Variants in CCNL2 observed in about 807,000 individuals in gnomAD.
CCNL2 encodes cyclin-L2.
In CCNL2, 28 loss-of-function variants were observed where a neutral mutation model predicts 59.1. That is an observed-to-expected ratio of 0.47 (90% confidence interval 0.35 to 0.65). The LOEUF (loss-of-function observed/expected upper bound fraction) is 0.65. Among genes scored for constraint, CCNL2 ranks in the 30% least tolerant of loss-of-function variants. The probability of loss-of-function intolerance (pLI) is 0.00; values close to 1 mark genes in which losing one functional copy is unlikely to be tolerated. For synonymous variants in CCNL2, 342 were observed against 288.6 expected (o/e 1.19, Z -1.88); for missense variants, 714 against 717.4 (o/e 1.00, Z 0.05).
chr1:1,387,979 C>T lies in CCNL2; in HGVS notation c.1093G>A (p.Ala365Thr), dbSNP rs1433105656. 1 of 1,614,016 alleles carries T rather than the reference C, an allele frequency of 6.2e-7. No homozygotes were observed. Among genetic ancestry groups the T allele is most frequent in the Admixed American group, 1.7e-5 (1 of 60,014 alleles). Reference sequence around the variant, plus strand: ...CCGTTCACGGGGCTGTCCGCCTTGGCTTTCTTGGCGCCCTCCAGCCTCCTC... The same window carrying T: ...CCGTTCACGGGGCTGTCCGCCTTGGTTTTCTTGGCGCCCTCCAGCCTCCTC... ...TKRRLEGAKKAKADSPVNGLP... is the reference protein window; with the variant it reads ...TKRRLEGAKKTKADSPVNGLP... The change falls in exon 9 of 11, where the codon GCC becomes ACC. Residue 365 changes from alanine (A) to threonine (T), a missense_variant. Physicochemically the swap from Ala to Thr is moderately conservative, Grantham distance 58. This residue lies in a region of CCNL2 where 403 missense variants were observed against 377.7 expected (regional missense o/e 1.07). Transcript: ENST00000400809.
chr1:1,393,605 G>A lies in CCNL2; in HGVS notation c.595-145C>T. ...CACACGTCTGGCGGACGGCTCAGCTGGAGGGAGCTTTGCGATTGCACCTGC... is the reference window on the plus strand; with the variant it reads ...CACACGTCTGGCGGACGGCTCAGCTAGAGGGAGCTTTGCGATTGCACCTGC... On this transcript the variant is annotated intron_variant, in intron 4 of 10. Transcript: ENST00000400809. The A allele has an allele frequency of 4.2e-6, 3 of 708,206 alleles. No individual in the cohort carries two copies. In the East Asian group the frequency reaches 7.7e-5, roughly 18 times the overall value. The allele number at this position is 708,206 out of a possible 1,614,324, so 43.9% of individuals were successfully genotyped here.
At chr1:1,391,747 C>G (rs368903110) in intron 5 of CCNL2, 2 of 364,124 alleles carry the variant, frequency 5.5e-6, no homozygotes, top group East Asian at 9.4e-5. Flanking sequence ...CATTTAAAAC[C>G]TGGCTACATT....
intron 1 of CCNL2, 173 bp downstream of exon 1, chr1:1,398,846 G>A (rs1353248109): frequency 7.5e-7 from 1 of 1,325,438 alleles, no homozygotes; most frequent in Non-Finnish European, 1.0e-6. Context: ...GGCGGGCGGG[G>A]AGGCCCCGGG....
Position 1,387,790 on chromosome 1 carries a change from A to T in CCNL2, c.1198T>A (p.Ser400Thr). 6.2e-7 allele frequency: 1 copy of T among 1,612,174 alleles called. No individual in the cohort carries two copies. Among genetic ancestry groups the T allele is most frequent in the Non-Finnish European group, 8.5e-7 (1 of 1,179,388 alleles). Residue 400 changes from serine to threonine, a missense_variant, in exon 10 of 11, where the codon TCT (serine) becomes ACT (threonine). Coordinates refer to ENST00000400809, the MANE Select transcript of CCNL2 (RefSeq NM_030937.6). ...TGAGGCACACACCTCCTCTTAGGAG[A>T]CGCTGATCGGGATGGGGACCTCGAG... ...SYSRSPSRSA[S>T]PKRRKSDSGS...
At chr1:1,396,585 T>TG (rs1645040520) in intron 3 of CCNL2, among the ~76,000 whole-genome samples, 1 of 142,156 alleles carries the variant, frequency 7.0e-6, no homozygotes, top group African/African-American at 2.7e-5. Context: ...TTTTTTTTTT[T>TG]TTTTTTTTTT....
intron 4 of CCNL2, among the ~76,000 whole-genome samples, chr1:1,393,722 T>A (rs1644865688): frequency 6.6e-6 from 1 of 152,252 alleles, no homozygotes; most frequent in South Asian, 2.1e-4. Flanking sequence ...GCTGGTTTCA[T>A]TCTAGTCTTC....
chr1:1,392,188 AATCAGTAACCTTTCG>A, intron 5 of CCNL2: 1 of 457,794 alleles, frequency 2.2e-6, no homozygotes, highest in Non-Finnish European at 2.9e-6. Flanking sequence ...TACATTCAAC[AATCAGTAACCTTTCG>A]GTGTCTAATC....
intron 4 of CCNL2, chr1:1,395,062 C>CA (rs200747571): frequency 8.8e-4 from 189 of 215,288 alleles, no homozygotes; most frequent in Non-Finnish European, 1.1e-3. Context: ...AACTCCATCT[C>CA]AAAAAAAAAG....
At chr1:1,393,264 A>C in intron 5 of CCNL2, 132 bp downstream of exon 5, 1 of 736,620 alleles carries the variant, frequency 1.4e-6, no homozygotes, top group Non-Finnish European at 2.4e-6. Flanking sequence ...ATACAGCAGG[A>C]GCACTGGGCA....
chr1:1,392,833 G>A (rs1201764054), intron 5 of CCNL2: 2 of 1,608,094 alleles, frequency 1.2e-6, no homozygotes, highest in Non-Finnish European at 1.7e-6. Flanking sequence ...GAAAAGAAAA[G>A]TCAAAATAGG....
chr1:1,398,081 GCT>G, intron 3 of CCNL2, 150 bp downstream of exon 3: 2 of 694,182 alleles, frequency 2.9e-6, no homozygotes, highest in Non-Finnish European at 4.8e-6. Flanking sequence ...CTCTGAGCAG[GCT>G]CTGTTGGTGG....
intron 8 of CCNL2, chr1:1,388,573 C>T (rs953793145): frequency 9.2e-6 from 4 of 433,118 alleles, no homozygotes; most frequent in African/African-American, 8.5e-5. Flanking sequence ...GTGTCTCTCT[C>T]TCTCTCTCTC....
At chr1:1,395,274 A>C (rs897912207) in intron 4 of CCNL2, 120 bp downstream of exon 4, 21 of 1,057,224 alleles carry the variant, frequency 2.0e-5, no homozygotes, top group East Asian at 1.3e-4. Context: ...GAAACTGGAA[A>C]GCCAAGTCAG....
chr1:1,398,496 C>A (rs1351094983), intron 2 of CCNL2, 101 bp downstream of exon 2: 2 of 1,575,700 alleles, frequency 1.3e-6, no homozygotes, highest in East Asian at 4.5e-5. Context: ...AGAGCTCAGA[C>A]TGGGGGGCAA....
intron 8 of CCNL2, 80 bp from the exon 9 acceptor site, chr1:1,388,145 C>T (rs1198631332): frequency 1.5e-5 from 17 of 1,154,454 alleles, no homozygotes; most frequent in Non-Finnish European, 2.1e-5. Flanking sequence ...CGAGATAAGG[C>T]CCCTCTACAG....
chr1:1,398,528 G>A (rs1645178584), intron 2 of CCNL2, 69 bp downstream of exon 2: 6 of 1,585,466 alleles, frequency 3.8e-6, no homozygotes, highest in East Asian at 4.5e-5. Context: ...CTTAGTAACC[G>A]GGCAAAGTAA....
intron 4 of CCNL2, among the ~76,000 whole-genome samples, chr1:1,394,185 T>C (rs567161983): frequency 6.6e-6 from 1 of 150,454 alleles, no homozygotes; most frequent in South Asian, 2.1e-4. Context: ...TTTGAACAGA[T>C]GGCAGAAAGC....
intron 10 of CCNL2, 80 bp downstream of exon 10, chr1:1,387,697 C>T (rs1432872907): frequency 3.5e-5 from 51 of 1,452,214 alleles, no homozygotes; most frequent in Non-Finnish European, 4.6e-5. Context: ...AACAAGAAAC[C>T]ACCTCAGGGT....
At chr1:1,395,344 G>GCAGGAGCA (rs1185704981) in intron 4 of CCNL2, 50 bp downstream of exon 4, 3 of 1,604,156 alleles carry the variant, frequency 1.9e-6, no homozygotes, top group Non-Finnish European at 2.6e-6. Context: ...AGGCGGCCAG[G>GCAGGAGCA]CAGGAGCAGC....
Sources: allele counts gnomAD v4.1 joint callset (sites outside exome capture counted in the v4.1 genomes callset), GRCh38; gene constraint gnomAD v4.1.1; regional missense constraint gnomAD v4.1.1; transcripts MANE v1.5; gene names NCBI Gene and HGNC (gene_info 2026-07-23, HGNC 2026-07-21).